The following AKR1C3 variants were observed in gnomAD, a reference collection of about 807,000 sequenced individuals.
AKR1C3 encodes the protein 3-alpha hydroxysteroid dehydrogenase, type II.
A neutral mutation model predicts 43.6 loss-of-function variants in AKR1C3; 48 were observed. The observed-to-expected ratio is 1.10, with a 90% CI of 0.87 to 1.40. The LOEUF is 1.40. Among genes scored for constraint, AKR1C3 ranks in the 40% most tolerant of loss-of-function variants. The probability of loss-of-function intolerance (pLI) is 0.00; values close to 1 mark genes in which losing one functional copy is unlikely to be tolerated. For synonymous variants in AKR1C3, 162 were observed against 139.6 expected, an observed-to-expected ratio of 1.16 and a Z score of -1.13; for missense variants, 482 against 391.2, an observed-to-expected ratio of 1.23 and a Z score of -1.96.
chr10:5,060,317 T>G (rs1288343626), intron 1 of AKR1C3, among the ~76,000 whole-genome samples: 4 of 152,198 alleles, frequency 2.6e-5, no homozygotes, highest in African/African-American at 9.6e-5. Context: ...TCCTGCTGAT[T>G]GTTCCATTTT....
chr10:5,092,727 A>T (rs1393089696), upstream of AKR1C3, among the ~76,000 whole-genome samples: 1 of 151,852 alleles, frequency 6.6e-6, no homozygotes, highest in Non-Finnish European at 1.5e-5. Flanking sequence ...CATATTTTTA[A>T]TTGGAAATTT....
At chr10:5,067,315 G>T (rs189138207) in intron 1 of AKR1C3, among the ~76,000 whole-genome samples, 1 of 152,294 alleles carries the variant, frequency 6.6e-6, no homozygotes, top group East Asian at 1.9e-4. Context: ...CTTGGGAAAA[G>T]ATATTCACAT....
At chr10:5,072,497 G>A (rs766772827) in intron 1 of AKR1C3, among the ~76,000 whole-genome samples, 23 of 152,250 alleles carry the variant, frequency 1.5e-4, no homozygotes, top group South Asian at 1.0e-3. Flanking sequence ...TATTATGCAT[G>A]TCAGTTTTTT....
upstream of AKR1C3, among the ~76,000 whole-genome samples, chr10:5,090,201 A>G (rs1554783961): frequency 6.6e-6 from 1 of 152,144 alleles, no homozygotes; most frequent in African/African-American, 2.4e-5. Flanking sequence ...AGTGTGTGAC[A>G]GAGATATATC....
chr10:5,103,414 T>A (rs11252943), intron 7 of AKR1C3, among the ~76,000 whole-genome samples: 39,534 of 151,868 alleles, frequency 0.26, 5,372 homozygotes, highest in Middle Eastern at 0.37. Context: ...AATAGAGCTG[T>A]TAAACAAATC....
At chr10:5,051,435 T>A (rs1261117464) in intron 1 of AKR1C3, among the ~76,000 whole-genome samples, 1 of 152,024 alleles carries the variant, frequency 6.6e-6, no homozygotes, top group Non-Finnish European at 1.5e-5. Flanking sequence ...GGCAGGGGAG[T>A]AGAATTGAAT....
intron 1 of AKR1C3, among the ~76,000 whole-genome samples, chr10:5,083,499 C>T (rs1396481266): frequency 3.9e-5 from 6 of 152,138 alleles, no homozygotes; most frequent in Non-Finnish European, 8.8e-5. Context: ...TGGGTTGGTT[C>T]CAAGTCTTTG....
intron 1 of AKR1C3, among the ~76,000 whole-genome samples, chr10:5,062,475 C>T (rs1365108889): frequency 6.6e-6 from 1 of 152,140 alleles, no homozygotes; most frequent in Non-Finnish European, 1.5e-5. Context: ...AACTCCAGGA[C>T]AGAACATAAT....
intron 5 of AKR1C3, among the ~76,000 whole-genome samples, chr10:5,100,302 A>G (rs1249695157): frequency 6.6e-6 from 1 of 152,210 alleles, no homozygotes; most frequent in Non-Finnish European, 1.5e-5. Context: ...CTCAAAAAAA[A>G]AGAGAAAAAT....
At chr10:5,077,277 G>A (rs372195990) in intron 1 of AKR1C3, among the ~76,000 whole-genome samples, 1 of 152,068 alleles carries the variant, frequency 6.6e-6, no homozygotes, top group Middle Eastern at 3.2e-3. Context: ...AGAGAAGAGG[G>A]TCTGTATGGA....
intron 1 of AKR1C3, chr10:5,096,082 T>A: frequency 5.2e-6 from 1 of 193,104 alleles, no homozygotes; most frequent in Non-Finnish European, 1.1e-5. Flanking sequence ...ATACTCCATG[T>A]GATTTTTACC....
intron 1 of AKR1C3, among the ~76,000 whole-genome samples, chr10:5,087,574 C>G (rs1180728012): frequency 6.6e-6 from 1 of 151,794 alleles, no homozygotes; most frequent in Non-Finnish European, 1.5e-5. Context: ...CGGGGTTTCA[C>G]CATGTTGGCC....
chr10:5,091,221 G>A (rs1235768191), upstream of AKR1C3, among the ~76,000 whole-genome samples: 1 of 152,010 alleles, frequency 6.6e-6, no homozygotes, highest in African/African-American at 2.4e-5. Flanking sequence ...AAAAACTGAT[G>A]ATGCAGGAAA....
intron 1 of AKR1C3, 108 bp from the exon 2 acceptor site, chr10:5,096,302 C>T (rs1157575840): frequency 2.2e-6 from 3 of 1,359,800 alleles, no homozygotes; most frequent in African/African-American, 2.9e-5. Flanking sequence ...TTTCACCCCA[C>T]ATACAGACAG....
At chr10:5,063,258 C>G (rs1294319774) in intron 1 of AKR1C3, among the ~76,000 whole-genome samples, 1 of 151,836 alleles carries the variant, frequency 6.6e-6, no homozygotes, top group African/African-American at 2.4e-5. Flanking sequence ...GAATAAAAAC[C>G]TGGGGAAAGG....
At chr10:5,086,915 T>C (rs1355869171) in intron 1 of AKR1C3, among the ~76,000 whole-genome samples, 2 of 152,152 alleles carry the variant, frequency 1.3e-5, no homozygotes, top group Non-Finnish European at 2.9e-5. Flanking sequence ...CTTTTTTTGT[T>C]TTCCATTTGC....
At chr10:5,052,626 C>G (rs574020297) in intron 1 of AKR1C3, among the ~76,000 whole-genome samples, 3 of 150,676 alleles carry the variant, frequency 2.0e-5, no homozygotes, top group African/African-American at 4.9e-5. Context: ...GCTAGACACA[C>G]GGTGCTAATT....
At chr10:5,079,822 T>G (rs1202314930) in intron 1 of AKR1C3, among the ~76,000 whole-genome samples, 2 of 152,180 alleles carry the variant, frequency 1.3e-5, no homozygotes, top group Non-Finnish European at 2.9e-5. Context: ...CTGCTCCATG[T>G]ACATGTATAT....
intron 1 of AKR1C3, among the ~76,000 whole-genome samples, chr10:5,067,845 G>A (rs1554780934): frequency 6.6e-6 from 1 of 151,966 alleles, no homozygotes; most frequent in Non-Finnish European, 1.5e-5. Flanking sequence ...AATAATAAAT[G>A]CTTTAAGGAC....
Sources: allele counts gnomAD v4.1 joint callset (sites outside exome capture counted in the v4.1 genomes callset), GRCh38; gene constraint gnomAD v4.1.1; transcripts MANE v1.5; gene names NCBI Gene and HGNC (gene_info 2026-07-23, HGNC 2026-07-21).